The following CAMK1D variants were observed in gnomAD, a reference collection of about 807,000 sequenced individuals.
CAMK1D encodes the protein calcium/calmodulin-dependent protein kinase type 1D.
A neutral mutation model predicts 47.7 loss-of-function variants in CAMK1D; 9 were observed. The ratio of observed to expected loss-of-function variants is 0.19; its 90% CI spans 0.11 to 0.33. CAMK1D has a LOEUF of 0.33. Among genes scored for constraint, CAMK1D ranks in the 10% least tolerant of loss-of-function variants. The pLI, the probability that CAMK1D is intolerant of heterozygous loss-of-function variation, is 1.00. For synonymous variants in CAMK1D, 184 were observed against 184.9 expected (o/e 0.99, Z 0.04); for missense variants, 291 against 488.7 (o/e 0.60, Z 3.81).
chr10:12,733,999 C>T (rs1835015002), intron 3 of CAMK1D, among the ~76,000 whole-genome samples: 1 of 151,694 alleles, frequency 6.6e-6, no homozygotes, highest in African/African-American at 2.4e-5. Flanking sequence ...AATCCTAGAT[C>T]TCTTGTGCTT....
intron 1 of CAMK1D, among the ~76,000 whole-genome samples, chr10:12,407,411 C>A (rs1176938269): frequency 6.6e-6 from 1 of 152,260 alleles, no homozygotes; most frequent in East Asian, 1.9e-4. Context: ...CTAGAAGTTT[C>A]CTTCTCACTG....
chr10:12,805,661 C>T (rs1270082411), intron 6 of CAMK1D, among the ~76,000 whole-genome samples: 3 of 152,148 alleles, frequency 2.0e-5, no homozygotes, highest in African/African-American at 7.2e-5. Context: ...TGAGCCACCG[C>T]GCCTGGCCAA....
At chr10:12,669,809 A>T (rs1196937084) in intron 3 of CAMK1D, among the ~76,000 whole-genome samples, 1 of 152,006 alleles carries the variant, frequency 6.6e-6, no homozygotes, top group African/African-American at 2.4e-5. Context: ...TGTCTGGCTT[A>T]TTTCACTCAT....
chr10:12,350,115 G>T (rs1421737702), intron 1 of CAMK1D, among the ~76,000 whole-genome samples: 1 of 151,908 alleles, frequency 6.6e-6, no homozygotes, highest in Non-Finnish European at 1.5e-5. Flanking sequence ...TTCCCGGGAG[G>T]GGGAGGGGGC....
At chr10:12,777,395 G>T (rs147890533) in intron 5 of CAMK1D, among the ~76,000 whole-genome samples, 1 of 118,534 alleles carries the variant, frequency 8.4e-6, no homozygotes, top group African/African-American at 3.2e-5. Context: ...TTTTTGAGAC[G>T]GAGTTTTGCT....
At chr10:12,475,294 C>T (rs1411846291) in intron 1 of CAMK1D, among the ~76,000 whole-genome samples, 1 of 152,174 alleles carries the variant, frequency 6.6e-6, no homozygotes, top group Non-Finnish European at 1.5e-5. Flanking sequence ...TCCTCCTCTC[C>T]CCAGCACCTG....
chr10:12,406,607 C>T (rs1444044146), intron 1 of CAMK1D, among the ~76,000 whole-genome samples: 1 of 150,960 alleles, frequency 6.6e-6, no homozygotes, highest in Non-Finnish European at 1.5e-5. Context: ...TCTGTAGTCT[C>T]AGCTGCTTGG....
intron 8 of CAMK1D, among the ~76,000 whole-genome samples, chr10:12,820,224 G>C (rs924173411): frequency 1.1e-4 from 17 of 152,190 alleles, no homozygotes; most frequent in African/African-American, 3.6e-4. Context: ...ATTTTTAGTA[G>C]AGATGGGGTT....
At chr10:12,742,015 G>A (rs1399708792) in intron 3 of CAMK1D, among the ~76,000 whole-genome samples, 2 of 152,186 alleles carry the variant, frequency 1.3e-5, no homozygotes, top group African/African-American at 2.4e-5. Flanking sequence ...GAAGGGGAGA[G>A]CAAGGCCACA....
At chr10:12,416,154 T>G (rs1839842171) in intron 1 of CAMK1D, among the ~76,000 whole-genome samples, 1 of 152,166 alleles carries the variant, frequency 6.6e-6, no homozygotes, top group African/African-American at 2.4e-5. Flanking sequence ...ATATTATTCT[T>G]GTTTTTTTTT....
intron 1 of CAMK1D, among the ~76,000 whole-genome samples, chr10:12,485,649 G>T (rs1409804257): frequency 6.6e-6 from 1 of 152,124 alleles, no homozygotes; most frequent in Non-Finnish European, 1.5e-5. Context: ...CTGCCACACC[G>T]CTCAAAACTC....
At chr10:12,431,802 T>C (rs1646539914) in intron 1 of CAMK1D, among the ~76,000 whole-genome samples, 2 of 152,260 alleles carry the variant, frequency 1.3e-5, no homozygotes, top group Non-Finnish European at 2.9e-5. Flanking sequence ...AGCTTTTCTA[T>C]ATTACATTTT....
chr10:12,551,908 C>T (rs1226422246), intron 1 of CAMK1D, among the ~76,000 whole-genome samples: 1 of 152,188 alleles, frequency 6.6e-6, no homozygotes, highest in African/African-American at 2.4e-5. Flanking sequence ...CTGGTATTGC[C>T]ATAACACTGG....
chr10:12,769,459 A>G (rs1836932468), intron 4 of CAMK1D, among the ~76,000 whole-genome samples: 1 of 152,102 alleles, frequency 6.6e-6, no homozygotes, highest in South Asian at 2.1e-4. Context: ...AAGGAAAGAG[A>G]CTAACGTTGA....
At position 12,572,853 on chromosome 10, in the gene CAMK1D, G is replaced by C. The variant is rs1339168740; in HGVS notation, c.224+19497G>C. Among the ~76,000 whole-genome samples, 3 of 152,058 alleles carry C rather than the reference G, an allele frequency of 2.0e-5. No homozygotes were observed. In the East Asian group the frequency reaches 5.8e-4, roughly 29 times the overall value. ...TCAGTATGTTGCCCAGGCTGGTCTT[G>C]AACTCTTGGGCTCAAGCCATCCTCC... On this transcript the variant is annotated intron_variant, in intron 2 of 10. Transcript: ENST00000619168.
At chr10:12,494,628 G>A (rs1404941157) in intron 1 of CAMK1D, among the ~76,000 whole-genome samples, 1 of 152,032 alleles carries the variant, frequency 6.6e-6, no homozygotes, top group African/African-American at 2.4e-5. Context: ...GCAGTGGTGT[G>A]ATCTTGGCTC....
At chr10:12,650,375 T>A (rs1350025734) in intron 2 of CAMK1D, among the ~76,000 whole-genome samples, 1 of 152,206 alleles carries the variant, frequency 6.6e-6, no homozygotes, top group Non-Finnish European at 1.5e-5. Flanking sequence ...TGGCAGGACA[T>A]TGGTCGTGCT....
At chr10:12,762,091 T>C (rs1289693025) in intron 4 of CAMK1D, among the ~76,000 whole-genome samples, 2 of 152,150 alleles carry the variant, frequency 1.3e-5, no homozygotes, top group Non-Finnish European at 2.9e-5. Flanking sequence ...GTCACACATA[T>C]GGTACCAAAG....
At chr10:12,751,200 C>A (rs1317828763) in intron 3 of CAMK1D, among the ~76,000 whole-genome samples, 1 of 152,112 alleles carries the variant, frequency 6.6e-6, no homozygotes, top group Non-Finnish European at 1.5e-5. Context: ...TTAAGGTCAC[C>A]ATACCCAGCC....
Sources: allele counts gnomAD v4.1 joint callset (sites outside exome capture counted in the v4.1 genomes callset), GRCh38; gene constraint gnomAD v4.1.1; transcripts MANE v1.5; gene names NCBI Gene and HGNC (gene_info 2026-07-23, HGNC 2026-07-21).